ZPLD1: variants seen among roughly 807,000 people sequenced by gnomAD.
The protein encoded by ZPLD1 is zona pellucida like domain containing 1.
A neutral mutation model predicts 47.2 loss-of-function variants in ZPLD1; 34 were observed. The ratio of observed to expected loss-of-function variants is 0.72; its 90% CI spans 0.55 to 0.96. The LOEUF is 0.96. Among genes scored for constraint, ZPLD1 ranks in the 40% least tolerant of loss-of-function variants. ZPLD1 has a pLI of 0.00. For synonymous variants in ZPLD1, 176 were observed against 186.2 expected, an observed-to-expected ratio of 0.95 and a Z score of 0.45; for missense variants, 512 against 505.8, an observed-to-expected ratio of 1.01 and a Z score of -0.12.
chr3:102,435,292 A>G (rs1014027802), intron 1 of ZPLD1, 138 bp downstream of exon 1: 9 of 882,952 alleles, frequency 1.0e-5, no homozygotes, highest in Non-Finnish European at 1.6e-5. Flanking sequence ...TACTGCCTTT[A>G]TAAGAGATAT....
chr3:102,411,373 G>C (rs1239875885), intron 7 of ZPLD1, among the ~76,000 whole-genome samples: 2 of 151,768 alleles, frequency 1.3e-5, no homozygotes, highest in African/African-American at 4.8e-5. Flanking sequence ...TGAAAATTTA[G>C]TAAGCTGGGT....
chr3:102,430,578 CAA>C (rs1313552843), upstream of ZPLD1, among the ~76,000 whole-genome samples: 1 of 152,068 alleles, frequency 6.6e-6, no homozygotes, highest in Non-Finnish European at 1.5e-5. Context: ...ACAGAAATCT[CAA>C]AGAGAGGAGT....
intron 8 of ZPLD1, among the ~76,000 whole-genome samples, chr3:102,423,248 T>C (rs1483634875): frequency 6.6e-6 from 1 of 152,082 alleles, no homozygotes; most frequent in Non-Finnish European, 1.5e-5. Flanking sequence ...AGTTCTGTTT[T>C]CAGATTCCAG....
intron 7 of ZPLD1, among the ~76,000 whole-genome samples, chr3:102,401,298 A>G (rs1706617361): frequency 6.6e-6 from 1 of 152,088 alleles, no homozygotes. Context: ...AAAGACTGCT[A>G]AAATGCAATT....
chr3:102,420,840 T>A (rs968955192), intron 8 of ZPLD1, among the ~76,000 whole-genome samples: 1 of 151,968 alleles, frequency 6.6e-6, no homozygotes, highest in Non-Finnish European at 1.5e-5. Flanking sequence ...AAAAATATTT[T>A]AAAAATTATG....
intron 7 of ZPLD1, among the ~76,000 whole-genome samples, chr3:102,394,469 TA>T (rs1200635043): frequency 1.3e-5 from 2 of 152,218 alleles, no homozygotes; most frequent in Non-Finnish European, 2.9e-5. Context: ...CTTTTATGTT[TA>T]AATTGGTAAC....
intron 10 of ZPLD1, among the ~76,000 whole-genome samples, chr3:102,471,118 G>T (rs1707678499): frequency 6.6e-6 from 1 of 152,150 alleles, no homozygotes; most frequent in African/African-American, 2.4e-5. Flanking sequence ...CCGCTTCACC[G>T]TCCTCTGCCC....
At chr3:102,422,639 A>G (rs192627834) in intron 8 of ZPLD1, among the ~76,000 whole-genome samples, 1 of 151,986 alleles carries the variant, frequency 6.6e-6, no homozygotes, top group Non-Finnish European at 1.5e-5. Flanking sequence ...GAATGGAGAG[A>G]TGTCTTTGTG....
At chr3:102,395,859 G>T (rs575174082) in intron 7 of ZPLD1, among the ~76,000 whole-genome samples, 2 of 152,158 alleles carry the variant, frequency 1.3e-5, no homozygotes, top group African/African-American at 2.4e-5. Context: ...CTTTTAAATA[G>T]CATAATTAAA....
chr3:102,398,876 ACG>A (rs1370548703), intron 7 of ZPLD1, among the ~76,000 whole-genome samples: 9 of 144,056 alleles, frequency 6.2e-5, no homozygotes, highest in Non-Finnish European at 4.6e-5. Flanking sequence ...ATGCGTGCGC[ACG>A]CACACACACA....
At chr3:102,388,085 T>C (rs530757533) in intron 6 of ZPLD1, among the ~76,000 whole-genome samples, 231 of 150,984 alleles carry the variant, frequency 1.5e-3, no homozygotes, top group African/African-American at 4.5e-3. Flanking sequence ...TGGTCTCGAT[T>C]TCCTGACCTC....
At chr3:102,406,163 GA>G (rs1389184330) in intron 7 of ZPLD1, among the ~76,000 whole-genome samples, 1 of 151,896 alleles carries the variant, frequency 6.6e-6, no homozygotes, top group Non-Finnish European at 1.5e-5. Context: ...TGTCCATTTG[GA>G]AAATCAGATA....
intron 7 of ZPLD1, among the ~76,000 whole-genome samples, chr3:102,412,281 A>T (rs1358191216): frequency 1.3e-5 from 2 of 151,838 alleles, no homozygotes; most frequent in African/African-American, 4.8e-5. Flanking sequence ...ACATAAAATT[A>T]ATCGTCATAC....
intron 3 of ZPLD1, among the ~76,000 whole-genome samples, chr3:102,444,411 T>C (rs1576151311): frequency 1.3e-5 from 2 of 152,230 alleles, no homozygotes; most frequent in East Asian, 3.8e-4. Flanking sequence ...TCATCAGCTG[T>C]TGGTATTTCG....
At chr3:102,437,106 G>C (rs1461479366) in intron 2 of ZPLD1, 133 bp downstream of exon 2, 4 of 277,116 alleles carry the variant, frequency 1.4e-5, no homozygotes, top group Non-Finnish European at 2.2e-5. Context: ...GCGCAGGTAT[G>C]GCCAAGAGCT....
At chr3:102,457,974 A>T (rs1707445241) in intron 6 of ZPLD1, 121 bp downstream of exon 6, 1 of 844,642 alleles carries the variant, frequency 1.2e-6, no homozygotes, top group African/African-American at 1.7e-5. Flanking sequence ...CCTTGGTAAC[A>T]TTTATCTATT....
chr3:102,477,147 A>G, intron 11 of ZPLD1, 106 bp downstream of exon 11: 5 of 1,285,134 alleles, frequency 3.9e-6, no homozygotes, highest in Non-Finnish European at 5.6e-6. Flanking sequence ...AGTTTGGTCC[A>G]TTTTAGATAA....
rs151327210 is a variant in ZPLD1 at position 102,477,421 on chromosome 3, G to A, written c.1073-22G>A. The A allele has an allele frequency of 1.2e-4, 196 of 1,602,446 alleles. No homozygotes were observed. The East Asian group carries it at 3.9e-3, about 32-fold the overall frequency. Reference sequence around the variant, plus strand: ...AATATTATATGGGGCCTTTACAACCGGGTGTGTTTTATTATTTGCAGGTTC... The same window carrying A: ...AATATTATATGGGGCCTTTACAACCAGGTGTGTTTTATTATTTGCAGGTTC... On this transcript the variant is annotated intron_variant, in intron 11 of 11. Transcript: ENST00000466937.
chr3:102,465,479 G>A (rs969282747), intron 8 of ZPLD1, among the ~76,000 whole-genome samples: 1 of 152,138 alleles, frequency 6.6e-6, no homozygotes, highest in African/African-American at 2.4e-5. Context: ...ATATAATTGT[G>A]TATATAATGA....
Sources: allele counts gnomAD v4.1 joint callset (sites outside exome capture counted in the v4.1 genomes callset), GRCh38; gene constraint gnomAD v4.1.1; transcripts MANE v1.5; gene names NCBI Gene and HGNC (gene_info 2026-07-23, HGNC 2026-07-21).